Variants in FREM1 observed in about 807,000 individuals in gnomAD.
The protein encoded by FREM1 is FRAS1-related extracellular matrix protein 1.
Under a neutral mutation model 210.1 loss-of-function variants are expected in FREM1, and 220 were observed. The ratio of observed to expected loss-of-function variants is 1.05; its 90% CI spans 0.94 to 1.17. The LOEUF is 1.17. Among genes scored for constraint, FREM1 ranks in the 50% most tolerant of loss-of-function variants. The pLI is 0.00. For synonymous variants in FREM1, 1,189 were observed against 980.2 expected (o/e 1.21, Z -3.98); for missense variants, 3,454 against 2,675.5 (o/e 1.29, Z -6.42).
chr9:14,785,898 G>T (rs1850355904), intron 23 of FREM1, among the ~76,000 whole-genome samples: 1 of 152,178 alleles, frequency 6.6e-6, no homozygotes, highest in Admixed American at 6.5e-5. Context: ...AAATGGTTAA[G>T]ATGGTACATT....
chr9:14,737,566 A>C lies in FREM1; in HGVS notation c.6370T>G (p.Trp2124Gly), dbSNP rs567804613. The C allele has an allele frequency of 3.1e-6, 5 of 1,594,400 alleles. No homozygotes were observed. In the South Asian group the frequency reaches 5.7e-5, roughly 18 times the overall value. ...GLNDQVHAGH[W>G]EWIGGEPVAF... ...ACAGGTTCACCACCGATCCACTCCC[A>C]GTGGCCAGCATGCACTTGGTCGTTC... The change falls in exon 37 of 37, where the codon TGG becomes GGG. Residue 2124 changes from tryptophan to glycine, a missense_variant. Physicochemically the swap from Trp to Gly is radical, Grantham distance 184. Coordinates refer to ENST00000380880, the MANE Select transcript of FREM1 (RefSeq NM_001379081.2).
chr9:14,781,425 C>G (rs999645969), intron 24 of FREM1, among the ~76,000 whole-genome samples: 1 of 152,086 alleles, frequency 6.6e-6, no homozygotes, highest in Non-Finnish European at 1.5e-5. Flanking sequence ...TTGCCATATG[C>G]CTGTACTATG....
chr9:14,740,885 C>T (rs185404232), intron 35 of FREM1, among the ~76,000 whole-genome samples: 5 of 152,070 alleles, frequency 3.3e-5, no homozygotes, highest in African/African-American at 1.2e-4. Flanking sequence ...TTCCTAGAAG[C>T]GATATTTGAT....
chr9:14,826,740 T>C (rs1822526712), intron 10 of FREM1, among the ~76,000 whole-genome samples: 1 of 152,334 alleles, frequency 6.6e-6, no homozygotes, highest in South Asian at 2.1e-4. Flanking sequence ...CCCTCATGAA[T>C]GAACTTGTGC....
chr9:14,859,220 A>C lies in FREM1; in HGVS notation c.594T>G (p.Pro198=). ...AAAAACTGTGTGGCTGATCTCCACG[A>C]GGTTCTTCTGGTCGAGGCTCCCCGA... is the stretch of plus-strand genomic sequence containing the variant. ...MVLGEPRPEE[P]RGDQPHSFFP... is the part of the protein sequence containing the mutation. The change falls in exon 4 of 37, where the codon CCT becomes CCG. Residue 198 remains proline (P), a synonymous_variant. Coordinates refer to ENST00000380880, the MANE Select transcript of FREM1 (RefSeq NM_001379081.2). 6.2e-7 allele frequency: 1 copy of C among 1,606,210 alleles called. No homozygotes were observed. The highest frequency in any genetic ancestry group is 8.5e-7 in the Non-Finnish European group (1 of 1,175,342).
At chr9:14,772,724 G>C (rs1007848301) in intron 25 of FREM1, among the ~76,000 whole-genome samples, 5 of 152,206 alleles carry the variant, frequency 3.3e-5, no homozygotes, top group Non-Finnish European at 5.9e-5. Flanking sequence ...TGTCATTGTG[G>C]CCCGTGAGGG....
chr9:14,875,443 A>G (rs2132009488), intron 1 of FREM1, among the ~76,000 whole-genome samples: 1 of 152,204 alleles, frequency 6.6e-6, no homozygotes, highest in East Asian at 1.9e-4. Flanking sequence ...CATCACTGAT[A>G]CCCTTTCTTC....
At chr9:14,776,300 T>C (rs752203129) in intron 24 of FREM1, 97 bp from the exon 25 acceptor site, 1 of 1,331,032 alleles carries the variant, frequency 7.5e-7, no homozygotes, top group Non-Finnish European at 9.9e-7. Context: ...TAAAGGGTAT[T>C]GTCGTGTTGT....
At chr9:14,760,452 C>G (rs865841906) in intron 27 of FREM1, among the ~76,000 whole-genome samples, 2 of 152,196 alleles carry the variant, frequency 1.3e-5, no homozygotes, top group South Asian at 4.1e-4. Flanking sequence ...GTTTCTCTTT[C>G]TGTGCATAAA....
At chr9:14,793,380 T>A (rs552992345) in intron 21 of FREM1, among the ~76,000 whole-genome samples, 1 of 152,340 alleles carries the variant, frequency 6.6e-6, no homozygotes, top group East Asian at 1.9e-4. Context: ...CTCTCTAAAT[T>A]ACTCTTCCTC....
intron 1 of FREM1, among the ~76,000 whole-genome samples, chr9:14,885,859 T>A (rs569233444): frequency 1.3e-5 from 2 of 152,324 alleles, no homozygotes; most frequent in South Asian, 4.1e-4. Flanking sequence ...GAGGAGAACA[T>A]TTAAAATCTA....
chr9:14,887,294 T>C (rs1461244357), intron 1 of FREM1, among the ~76,000 whole-genome samples: 2 of 128,142 alleles, frequency 1.6e-5, no homozygotes, highest in Middle Eastern at 3.4e-3. Context: ...CAATAAAAAG[T>C]AAACATTCGA....
chr9:14,753,255 G>A (rs893520353), intron 29 of FREM1, among the ~76,000 whole-genome samples: 6 of 152,170 alleles, frequency 3.9e-5, no homozygotes, highest in African/African-American at 1.2e-4. Context: ...GTTCCTGGAT[G>A]TTTTCCTGCA....
chr9:14,861,118 T>TATATATATACACATATATAC (rs1445617309), intron 3 of FREM1, among the ~76,000 whole-genome samples: 1 of 99,896 alleles, frequency 1.0e-5, no homozygotes, highest in Non-Finnish European at 1.8e-5. Flanking sequence ...CACATATATA[T>TATATATATACACATATATAC]ACATATATAC....
In FREM1 at chr9:14,801,671, G is replaced by C; in HGVS notation, c.3675C>G (p.Ser1225=). 6.2e-7 allele frequency: 1 copy of C among 1,612,786 alleles called. No homozygotes were observed. Among genetic ancestry groups the C allele is most frequent in the Non-Finnish European group, 8.5e-7 (1 of 1,178,780 alleles). ...CTATACCAGTCTTGAGGAGTTCCAT[G>C]GAAAAGCTGTGAACAGGTGCATGTT... The part of the protein sequence containing the change: ...HQKHAPVHSF[S]MELLKTGMRL... The change falls in exon 20 of 37, where the codon TCC becomes TCG. Residue 1225 remains serine (S), a synonymous_variant. Coordinates refer to ENST00000380880, the MANE Select transcript of FREM1 (RefSeq NM_001379081.2).
At chr9:14,887,626 T>A (rs1482922073) in intron 1 of FREM1, among the ~76,000 whole-genome samples, 2 of 152,112 alleles carry the variant, frequency 1.3e-5, no homozygotes, top group Non-Finnish European at 2.9e-5. Context: ...GCCTGTGACT[T>A]CTAAGATTTT....
chr9:14,789,005 T>C lies in FREM1; in HGVS notation c.4091A>G (p.Gln1364Arg). ...CCAAAGGTAGAAGGTGAAGCTATCT[T>C]GATTCTGGGAATCCATTGCCCCGGT... ...THTGAMDSQNQDSFTFYLWDG... is the reference protein window; with the variant it reads ...THTGAMDSQNRDSFTFYLWDG... Residue 1364 changes from glutamine to arginine, a missense_variant, in exon 23 of 37, where the codon CAA (glutamine) becomes CGA (arginine). By Grantham distance (43) the Gln-to-Arg change is conservative (BLOSUM62 1). Coordinates refer to ENST00000380880, the MANE Select transcript of FREM1 (RefSeq NM_001379081.2). 6.2e-7 allele frequency: 1 copy of C among 1,612,706 alleles called. No individual in the cohort carries two copies. Among genetic ancestry groups the C allele is most frequent in the Non-Finnish European group, 8.5e-7 (1 of 1,179,428 alleles).
At chr9:14,904,275 G>A (rs1817303073) in intron 1 of FREM1, among the ~76,000 whole-genome samples, 1 of 152,020 alleles carries the variant, frequency 6.6e-6, no homozygotes, top group African/African-American at 2.4e-5. Context: ...CTCGTTTTTG[G>A]TTCTCTCTGG....
chr9:14,899,369 ACT>A (rs1398296392), intron 1 of FREM1, among the ~76,000 whole-genome samples: 1 of 152,206 alleles, frequency 6.6e-6, no homozygotes, highest in Non-Finnish European at 1.5e-5. Context: ...TGATCTGCTC[ACT>A]TTGGCAGAAT....
Sources: gnomAD v4.1 joint callset for allele counts (sites outside exome capture counted in the v4.1 genomes callset) on GRCh38, gnomAD v4.1.1 for gene constraint, MANE v1.5 for transcripts, NCBI Gene and HGNC (gene_info 2026-07-23, HGNC 2026-07-21) for gene names.